Variants in NOTCH2NLB observed in about 807,000 individuals in gnomAD.
NOTCH2NLB encodes notch 2 N-terminal like B.
NOTCH2NLB carries 1 observed loss-of-function variant against 14.8 expected under a neutral mutation model. That is an observed-to-expected ratio of 0.07 (90% CI 0.02 to 0.32). The LOEUF is 0.32. Ranked by LOEUF, NOTCH2NLB falls within the 10% of genes least tolerant of loss-of-function variation. NOTCH2NLB has a pLI of 1.00. For missense variants in NOTCH2NLB, 11 were observed against 155.0 expected, an observed-to-expected ratio of 0.07 and a Z score of 4.93; for synonymous variants, 6 against 57.5, an observed-to-expected ratio of 0.10 and a Z score of 4.05.
chr1:148,627,875 G>A, intron 2 of NOTCH2NLB, among the ~76,000 whole-genome samples: 1 of 136,918 alleles, frequency 7.3e-6, no homozygotes, highest in Non-Finnish European at 1.6e-5. Context: ...GAAGCAAAAG[G>A]TCAAAATGAA....
intron 1 of NOTCH2NLB, among the ~76,000 whole-genome samples, chr1:148,649,502 T>C (rs1282958428): frequency 1.2e-5 from 1 of 81,996 alleles, no homozygotes; most frequent in African/African-American, 4.4e-5. Context: ...GTAAACTCCC[T>C]TTTTAAAGCT....
upstream of NOTCH2NLB, among the ~76,000 whole-genome samples, chr1:148,680,774 CAT>C (rs1664923837): frequency 6.8e-6 from 1 of 146,424 alleles, no homozygotes; most frequent in South Asian, 2.2e-4. Flanking sequence ...TCTGTGGATG[CAT>C]ATATATAGAT....
intron 2 of NOTCH2NLB, among the ~76,000 whole-genome samples, chr1:148,637,539 T>C (rs1664234664): frequency 2.7e-5 from 4 of 147,580 alleles, no homozygotes; most frequent in African/African-American, 1.0e-4. Flanking sequence ...CCTCTCTGTA[T>C]GGTATTACCA....
intron 1 of NOTCH2NLB, among the ~76,000 whole-genome samples, chr1:148,670,529 TAA>T (rs1222724470): frequency 0.064 from 5,994 of 92,978 alleles, 154 homozygotes; most frequent in Non-Finnish European, 0.079. Context: ...GTTCATAAAC[TAA>T]AAAAAAAAAT....
chr1:148,637,194 G>A (rs1225788305), intron 2 of NOTCH2NLB, among the ~76,000 whole-genome samples: 1 of 144,806 alleles, frequency 6.9e-6, no homozygotes, highest in Non-Finnish European at 1.5e-5. Context: ...TCAGCCTCCT[G>A]AGTAACTGGG....
At chr1:148,639,694 C>CAA (rs1664300960) in intron 2 of NOTCH2NLB, among the ~76,000 whole-genome samples, 1 of 39,660 alleles carries the variant, frequency 2.5e-5, no homozygotes, top group Non-Finnish European at 3.7e-5. Flanking sequence ...CTCCTGACCT[C>CAA]GTGATTCGCC....
At chr1:148,670,660 A>G (rs1664761313) in intron 1 of NOTCH2NLB, among the ~76,000 whole-genome samples, 1 of 126,620 alleles carries the variant, frequency 7.9e-6, no homozygotes, top group African/African-American at 2.7e-5. Context: ...ATGATTGTGG[A>G]CATTTTATTT....
At chr1:148,639,377 A>G (rs1332163778) in intron 2 of NOTCH2NLB, among the ~76,000 whole-genome samples, 6 of 78,930 alleles carry the variant, frequency 7.6e-5, no homozygotes, top group Admixed American at 5.6e-4. Flanking sequence ...TAAAAACAAG[A>G]TAATAGGTAA....
intron 3 of NOTCH2NLB, among the ~76,000 whole-genome samples, chr1:148,608,604 T>C (rs1663585217): frequency 1.3e-5 from 2 of 151,602 alleles, no homozygotes; most frequent in African/African-American, 4.9e-5. Context: ...TCTCAAATCA[T>C]GTCTGTTGAA....
chr1:148,661,676 T>C lies in NOTCH2NLB; in HGVS notation c.3+17786A>G, dbSNP rs1452398269. On this transcript the variant is annotated intron_variant, in intron 1 of 4. Coordinates refer to ENST00000593495, the Ensembl canonical transcript of NOTCH2NLB. Reference sequence around the variant, plus strand: ...GCCAAATTCTTCTTAGTGAAAGAGATGTATAGCCTTGATGTGCTAGATAAA... The same window carrying C: ...GCCAAATTCTTCTTAGTGAAAGAGACGTATAGCCTTGATGTGCTAGATAAA... Among the ~76,000 whole-genome samples, 807 of 147,016 alleles carry C rather than the reference T, an allele frequency of 5.5e-3. 11 individuals carry two copies. Among genetic ancestry groups the C allele is most frequent in the African/African-American group, 0.019 (772 of 40,498 alleles).
chr1:148,673,858 T>C (rs1257595454), intron 1 of NOTCH2NLB, among the ~76,000 whole-genome samples: 2 of 98,352 alleles, frequency 2.0e-5, no homozygotes, highest in African/African-American at 6.7e-5. Context: ...TCTAAAACTT[T>C]CCTAATGTAA....
chr1:148,633,320 G>A (rs1175477219), intron 2 of NOTCH2NLB, among the ~76,000 whole-genome samples: 1 of 117,304 alleles, frequency 8.5e-6, no homozygotes, highest in South Asian at 3.0e-4. Context: ...TTGGGAGGCC[G>A]AGGCGGGCAG....
chr1:148,683,448 TAGTG>T (rs1664947898), upstream of NOTCH2NLB, among the ~76,000 whole-genome samples: 3 of 52,012 alleles, frequency 5.8e-5, 1 homozygote, highest in Non-Finnish European at 8.2e-5. Flanking sequence ...AATAAGTAAT[TAGTG>T]AGCTGAGACA....
intron 2 of NOTCH2NLB, among the ~76,000 whole-genome samples, chr1:148,637,470 T>C (rs1664231621): frequency 7.0e-6 from 1 of 142,012 alleles, no homozygotes; most frequent in African/African-American, 2.7e-5. Context: ...TTAGAACATA[T>C]TTGAAATTCT....
chr1:148,675,029 C>T (rs1287100933), intron 1 of NOTCH2NLB, among the ~76,000 whole-genome samples: 1 of 88,852 alleles, frequency 1.1e-5, no homozygotes, highest in East Asian at 5.8e-4. Flanking sequence ...GACTAGTCCC[C>T]AAAATGATGA....
intron 1 of NOTCH2NLB, among the ~76,000 whole-genome samples, chr1:148,675,111 A>G (rs1215051611): frequency 0.14 from 9,024 of 63,660 alleles, 2 homozygotes; most frequent in East Asian, 0.23. Flanking sequence ...GTAATACAGG[A>G]AGCAGTGGAA....
the NOTCH2NLB span, among the ~76,000 whole-genome samples, chr1:148,686,684 T>C: frequency 5.3e-5 from 6 of 112,768 alleles, no homozygotes; most frequent in African/African-American, 1.7e-4. Context: ...GGCTTACTTA[T>C]GTAAACTCTG....
intron 3 of NOTCH2NLB, among the ~76,000 whole-genome samples, chr1:148,608,491 C>T (rs1226809105): frequency 6.6e-6 from 1 of 152,216 alleles, no homozygotes; most frequent in Admixed American, 6.5e-5. Flanking sequence ...TCCTTAGTGC[C>T]CCTCACATAC....
intron 1 of NOTCH2NLB, among the ~76,000 whole-genome samples, chr1:148,661,584 C>T (rs1336690764): frequency 9.3e-5 from 14 of 149,826 alleles, no homozygotes; most frequent in Non-Finnish European, 6.0e-5. Flanking sequence ...TCACGAGTAG[C>T]CCTTCTATCA....
Sources: gnomAD v4.1 joint callset for allele counts (sites outside exome capture counted in the v4.1 genomes callset) on GRCh38, gnomAD v4.1.1 for gene constraint, MANE v1.5 for transcripts, NCBI Gene and HGNC (gene_info 2026-07-23, HGNC 2026-07-21) for gene names.